CPS1: variants seen among roughly 807,000 people sequenced by gnomAD.
The protein encoded by CPS1 is carbamoyl-phosphate synthase 1.
CPS1 carries 109 observed loss-of-function variants against 174.6 expected under a neutral mutation model. The ratio of observed to expected loss-of-function variants is 0.62; its 90% CI spans 0.53 to 0.73. The LOEUF (loss-of-function observed/expected upper bound fraction) is 0.73. Ranked by LOEUF, CPS1 falls within the 30% of genes least tolerant of loss-of-function variation. The pLI, the probability that CPS1 is intolerant of heterozygous loss-of-function variation, is 0.00. For synonymous variants in CPS1, 637 were observed against 632.0 expected, an observed-to-expected ratio of 1.01 and a Z score of -0.12; for missense variants, 1,689 against 1,821.9, an observed-to-expected ratio of 0.93 and a Z score of 1.33.
intron 1 of CPS1, among the ~76,000 whole-genome samples, chr2:210,514,661 C>T (rs1370681709): frequency 2.0e-5 from 3 of 151,734 alleles, no homozygotes; most frequent in Non-Finnish European, 4.4e-5. Context: ...TATTTGGATG[C>T]CTTTTATTTC....
intron 21 of CPS1, among the ~76,000 whole-genome samples, chr2:210,626,893 G>A (rs1321019925): frequency 6.6e-6 from 1 of 152,080 alleles, no homozygotes; most frequent in East Asian, 1.9e-4. Flanking sequence ...TTATAATAAA[G>A]GTGAAAAATA....
At chr2:210,504,374 C>T (rs992070823) in intron 1 of CPS1, among the ~76,000 whole-genome samples, 1 of 152,206 alleles carries the variant, frequency 6.6e-6, no homozygotes, top group African/African-American at 2.4e-5. Flanking sequence ...ACATTAATAG[C>T]TAACGTTGAG....
In CPS1 at chr2:210,599,499, T is replaced by C. The variant is rs770320695; in HGVS notation, c.1487T>C (p.Ile496Thr). 1 of 1,612,622 alleles carries C rather than the reference T, an allele frequency of 6.2e-7. No individual in the cohort carries two copies. The highest frequency in any genetic ancestry group is 8.5e-7 in the Non-Finnish European group (1 of 1,179,090). ...ACCCCTCAGTTTGTCACAGAGGTCA[T>C]CAAGGCAGAACAGCCAGATGGGTTA... ...PITPQFVTEV[I>T]KAEQPDGLIL... The change falls in exon 14 of 38, where the codon ATC (isoleucine) becomes ACC (threonine). Residue 496 changes from isoleucine (I) to threonine (T), a missense_variant. By Grantham distance (89) the Ile-to-Thr change is moderately conservative. Transcript: ENST00000233072.
chr2:210,497,314 T>TA (rs1393507459), intron 1 of CPS1, among the ~76,000 whole-genome samples: 1 of 152,190 alleles, frequency 6.6e-6, no homozygotes, highest in Non-Finnish European at 1.5e-5. Flanking sequence ...ATATGATATG[T>TA]AAAATGTAAT....
At chr2:210,672,070 C>G (rs1393157506) in intron 34 of CPS1, 2 of 151,998 alleles carry the variant, frequency 1.3e-5, no homozygotes, top group African/African-American at 4.8e-5. Flanking sequence ...CAACAAATTG[C>G]TAGGATCCAC....
chr2:210,573,530 C>T (rs1343936244), intron 2 of CPS1, 123 bp downstream of exon 2: 3 of 797,030 alleles, frequency 3.8e-6, no homozygotes, highest in African/African-American at 1.7e-5. Flanking sequence ...CCTGAAGTTG[C>T]ACCATGCCTT....
chr2:210,626,191 G>C (rs894802977), intron 21 of CPS1, among the ~76,000 whole-genome samples: 4 of 152,102 alleles, frequency 2.6e-5, no homozygotes, highest in Non-Finnish European at 4.4e-5. Context: ...TTCTGAAACA[G>C]ATACAAATGG....
intron 27 of CPS1, among the ~76,000 whole-genome samples, chr2:210,649,263 A>G (rs966263409): frequency 6.6e-6 from 1 of 152,244 alleles, no homozygotes; most frequent in African/African-American, 2.4e-5. Flanking sequence ...TGTGTAAACC[A>G]TAGTCTAATA....
chr2:210,630,746 T>C (rs1699840051), intron 21 of CPS1, among the ~76,000 whole-genome samples: 1 of 152,168 alleles, frequency 6.6e-6, no homozygotes, highest in Non-Finnish European at 1.5e-5. Flanking sequence ...TTTTTGAAAA[T>C]TGTCTTTTGC....
chr2:210,486,130 ACACAC>A (rs1358866235), intron 1 of CPS1, among the ~76,000 whole-genome samples: 5 of 103,306 alleles, frequency 4.8e-5, no homozygotes, highest in Admixed American at 4.8e-4. Context: ...ACACACACAC[ACACAC>A]ACACACACAC....
upstream of CPS1, chr2:210,555,635 C>A (rs1281072453): frequency 6.6e-6 from 3 of 455,398 alleles, no homozygotes; most frequent in East Asian, 2.1e-4. Context: ...GTCATCTTTT[C>A]TGTTATGAGA....
chr2:210,510,224 G>A (rs1013959639), intron 1 of CPS1, among the ~76,000 whole-genome samples: 4 of 152,132 alleles, frequency 2.6e-5, no homozygotes, highest in Non-Finnish European at 5.9e-5. Context: ...ATAATGCCAC[G>A]TTATCTACAA....
intron 4 of CPS1, among the ~76,000 whole-genome samples, chr2:210,579,116 A>G (rs1391995557): frequency 2.0e-5 from 3 of 152,194 alleles, no homozygotes; most frequent in South Asian, 2.1e-4. Flanking sequence ...TTCATTTTTT[A>G]ACCTCTTTTT....
intron 1 of CPS1, among the ~76,000 whole-genome samples, chr2:210,548,504 A>G (rs932175670): frequency 2.0e-5 from 3 of 152,052 alleles, no homozygotes; most frequent in African/African-American, 7.2e-5. Flanking sequence ...AAATGACATC[A>G]AAAAACAATA....
At chr2:210,607,572 A>AT (rs961287904) in intron 18 of CPS1, among the ~76,000 whole-genome samples, 19 of 151,782 alleles carry the variant, frequency 1.3e-4, no homozygotes, top group Middle Eastern at 3.4e-3. Flanking sequence ...ACTTCTTTAT[A>AT]TTTTTTTTAC....
intron 1 of CPS1, among the ~76,000 whole-genome samples, chr2:210,486,661 C>T (rs1199219923): frequency 6.6e-6 from 1 of 152,320 alleles, no homozygotes; most frequent in East Asian, 1.9e-4. Flanking sequence ...CAGGCATGCA[C>T]CACCACATGC....
intron 1 of CPS1, among the ~76,000 whole-genome samples, chr2:210,508,881 A>G (rs1695366870): frequency 1.3e-5 from 2 of 152,194 alleles, no homozygotes; most frequent in African/African-American, 4.8e-5. Context: ...AATTGAGGCA[A>G]TAATTAATAG....
In CPS1 at chr2:210,600,554, G is replaced by A; in HGVS notation, c.1550-1G>A. On this transcript the variant is annotated splice_acceptor_variant, in intron 14 of 37. Transcript: ENST00000233072. LOFTEE classifies it high-confidence loss of function. ...ACTAATCCTATTTGGTTCTTCTTTA[G>A]GAGTGGAACTATTCAAGAGAGGTGT... 6.2e-7 allele frequency: 1 copy of A among 1,611,874 alleles called. No individual in the cohort carries two copies. The highest frequency in any genetic ancestry group is 8.5e-7 in the Non-Finnish European group (1 of 1,178,626).
intron 1 of CPS1, among the ~76,000 whole-genome samples, chr2:210,563,678 A>G (rs1697183824): frequency 6.6e-6 from 1 of 152,214 alleles, no homozygotes; most frequent in African/African-American, 2.4e-5. Context: ...AGCAATGAGT[A>G]GATGATTTTT....
Sources: allele counts gnomAD v4.1 joint callset (sites outside exome capture counted in the v4.1 genomes callset), GRCh38; gene constraint gnomAD v4.1.1; transcripts MANE v1.5; gene names NCBI Gene and HGNC (gene_info 2026-07-23, HGNC 2026-07-21).